Variants in POMT2 observed in about 807,000 individuals in gnomAD.
POMT2 encodes the protein protein O-mannosyl-transferase 2.
POMT2 carries 75 observed loss-of-function variants against 100.0 expected under a neutral mutation model. The ratio of observed to expected loss-of-function variants is 0.75; its 90% CI spans 0.62 to 0.91. The LOEUF (loss-of-function observed/expected upper bound fraction) is 0.91, where lower values mean the gene tolerates loss of function less well. POMT2 is among the 40% of genes least tolerant of loss of function. The pLI is 0.00. For synonymous variants in POMT2, 378 were observed against 374.1 expected (o/e 1.01, Z -0.12); for missense variants, 940 against 955.1 (o/e 0.98, Z 0.21).
intron 1 of POMT2, among the ~76,000 whole-genome samples, chr14:77,316,595 ATAGC>A (rs1333652675): frequency 6.7e-6 from 1 of 149,168 alleles, no homozygotes; most frequent in African/African-American, 2.5e-5. Flanking sequence ...AAAAAAGAGT[ATAGC>A]TAGCCTGGCC....
At chr14:77,286,616 A>T in intron 12 of POMT2, 128 bp downstream of exon 12, 1 of 1,372,364 alleles carries the variant, frequency 7.3e-7, no homozygotes, top group Non-Finnish European at 1.0e-6. Context: ...AAATGTTAAG[A>T]GAGTCCCTGT....
chr14:77,304,846 T>C lies in POMT2; in HGVS notation c.439-46A>G, dbSNP rs375459667. The C allele has an allele frequency of 6.2e-5, 97 of 1,552,254 alleles. No individual in the cohort carries two copies. The African/African-American group carries it at 1.1e-3, about 18-fold the overall frequency. On this transcript the variant is annotated intron_variant, in intron 3 of 20. Coordinates refer to ENST00000261534, the MANE Select transcript of POMT2 (RefSeq NM_013382.7). ...CTGTCAAATAACAAGCTGAGCTAGG[T>C]CAGCGACCTACTGGACTCAGTACAA...
Position 77,291,320 on chromosome 14 carries a change from TTG to T in POMT2, c.1175_1176del (p.Thr392LysfsTer37). On this transcript the variant is annotated frameshift_variant, in exon 10 of 21. Transcript: ENST00000261534. LOFTEE classifies it high-confidence loss of function. Reference sequence around the variant, plus strand: ...CAGTCTCTGACCACATTACCTGAGTTTGTGTTATGTTTCTTGATAATCCACAG... The same window carrying T: ...CAGTCTCTGACCACATTACCTGAGTTTGTTATGTTTCTTGATAATCCACAG... ...NNLWIIKKHN[T>X]NSDPLDPSFP... The T allele has an allele frequency of 1.2e-6, 2 of 1,602,286 alleles. No homozygotes were observed. The highest frequency in any genetic ancestry group is 1.7e-6 in the Non-Finnish European group (2 of 1,175,804).
rs1890360810 is a variant in POMT2, at chr14:77,284,840, C to T, written c.1576+110G>A. 4.3e-6 allele frequency: 4 copies of T among 936,528 alleles called. No individual in the cohort carries two copies. In the East Asian group the frequency reaches 7.5e-5, roughly 18 times the overall value. 58.0% of individuals were successfully genotyped at this position (936,528 alleles called of 1,614,324 possible). On this transcript the variant is annotated intron_variant, in intron 14 of 20. Coordinates refer to ENST00000261534, the MANE Select transcript of POMT2 (RefSeq NM_013382.7). ...AAAGAGAGTGTTAACAAGGAACAAA[C>T]AGCAGCAAGTTGAAGGGATAGCACA...
In POMT2 at chr14:77,291,310, T is replaced by C; in HGVS notation, c.1183+4A>G. 7 of 1,605,574 alleles carry C rather than the reference T, an allele frequency of 4.4e-6. No homozygotes were observed. The highest frequency in any genetic ancestry group is 6.0e-6 in the Non-Finnish European group (7 of 1,176,108). On this transcript the variant is annotated splice_donor_region_variant and intron_variant, in intron 10 of 20. Coordinates refer to ENST00000261534, the MANE Select transcript of POMT2 (RefSeq NM_013382.7). ...CAAGAAGCATCAGTCTCTGACCACA[T>C]TACCTGAGTTTGTGTTATGTTTCTT...
chr14:77,315,983 C>G (rs748813576), intron 1 of POMT2, among the ~76,000 whole-genome samples: 1 of 152,154 alleles, frequency 6.6e-6, no homozygotes, highest in African/African-American at 2.4e-5. Flanking sequence ...TGCACTCCAG[C>G]CTGGGCGACA....
chr14:77,304,712 G>A lies in POMT2; in HGVS notation c.527C>T (p.Thr176Ile). The A allele has an allele frequency of 6.3e-7, 1 of 1,593,288 alleles. No individual in the cohort carries two copies. Among genetic ancestry groups the A allele is most frequent in the Non-Finnish European group, 8.5e-7 (1 of 1,170,914 alleles). The change falls in exon 4 of 21, where the codon ACA (threonine) becomes ATA (isoleucine). Residue 176 changes from threonine to isoleucine, a missense_variant. Coordinates refer to ENST00000261534, the MANE Select transcript of POMT2 (RefSeq NM_013382.7). ...CTTACCAAAGGTGAGGAGGGCAGCTGTGAGCAGTGCTGCCGAGAGGGACTT... is the reference window on the plus strand; with the variant it reads ...CTTACCAAAGGTGAGGAGGGCAGCTATGAGCAGTGCTGCCGAGAGGGACTT... ...LSKSLSAALL[T>I]AALLTFDTGC...
chr14:77,285,341 A>T, intron 13 of POMT2, 140 bp downstream of exon 13: 1 of 1,157,726 alleles, frequency 8.6e-7, no homozygotes, highest in Non-Finnish European at 1.2e-6. Context: ...TACACCTGAT[A>T]TCTACTCTCC....
At chr14:77,278,191 C>T (rs1890048774) in intron 20 of POMT2, 3 of 602,814 alleles carry the variant, frequency 5.0e-6, no homozygotes, top group Middle Eastern at 4.4e-4. Flanking sequence ...CAGAGTTAAG[C>T]CCTGCTTCTC....
At chr14:77,278,233 G>A (rs541345385) in intron 20 of POMT2, 161 bp downstream of exon 20, 63 of 670,650 alleles carry the variant, frequency 9.4e-5, no homozygotes, top group Non-Finnish European at 1.9e-5. Context: ...TCACCTGGGG[G>A]ACTCTGGAAA....
Position 77,299,529 on chromosome 14 carries a change from G to A in POMT2, c.849C>T (p.Val283=), listed in dbSNP as rs1890945541. The change falls in exon 7 of 21, where the codon GTC becomes GTT. Residue 283 remains valine, a synonymous_variant. Transcript: ENST00000261534. The part of the protein sequence containing the change: ...VTVGKHLTAR[V]LCLIVLPLAL... ...CCAGGGGCAGCACTATGAGGCACAG[G>A]ACACGAGCAGTCAGGTGTTTTCCCA... 1.2e-6 allele frequency: 2 copies of A among 1,614,196 alleles called. No homozygotes were observed. The highest frequency in any genetic ancestry group is 1.3e-5 in the African/African-American group (1 of 75,060).
At chr14:77,306,300 G>C (rs1178731613) in intron 3 of POMT2, 37 bp downstream of exon 3, 1 of 1,608,402 alleles carries the variant, frequency 6.2e-7, no homozygotes, top group East Asian at 2.2e-5. Context: ...TGTGGCCCCA[G>C]GGTTCAGTCA....
chr14:77,318,735 ATT>A (rs10643583), intron 1 of POMT2, among the ~76,000 whole-genome samples: 162 of 140,152 alleles, frequency 1.2e-3, no homozygotes, highest in African/African-American at 3.9e-3. Flanking sequence ...ATGGTAGTTA[ATT>A]TTTTTTTTTT....
intron 13 of POMT2, 55 bp downstream of exon 13, chr14:77,285,426 G>A: frequency 6.2e-7 from 1 of 1,606,922 alleles, no homozygotes; most frequent in African/African-American, 1.3e-5. Context: ...ACTCCTTGTA[G>A]AGTGAAAGGA....
chr14:77,279,552 G>A (rs535394028), intron 18 of POMT2: 3 of 596,360 alleles, frequency 5.0e-6, no homozygotes, highest in East Asian at 3.7e-5. Context: ...GTATGTCCTG[G>A]GGCAAGTTTC....
intron 1 of POMT2, among the ~76,000 whole-genome samples, chr14:77,317,211 A>C (rs1891665345): frequency 6.6e-6 from 1 of 152,168 alleles, no homozygotes; most frequent in Admixed American, 6.5e-5. Context: ...GCCACATTGC[A>C]AGGGGCACTG....
chr14:77,318,775 G>A (rs1387985256), intron 1 of POMT2, among the ~76,000 whole-genome samples: 2 of 141,778 alleles, frequency 1.4e-5, no homozygotes, highest in South Asian at 2.2e-4. Context: ...TGGCTTTGTC[G>A]CCTAGGCTGG....
intron 11 of POMT2, 82 bp from the exon 12 acceptor site, chr14:77,286,904 G>A (rs1890446008): frequency 1.2e-6 from 2 of 1,603,908 alleles, no homozygotes; most frequent in Admixed American, 3.4e-5. Flanking sequence ...GATGTTCAGA[G>A]TCAACTGTCA....
At chr14:77,278,658 C>T (rs1251579628) in intron 19 of POMT2, 71 bp downstream of exon 19, 2 of 1,591,504 alleles carry the variant, frequency 1.3e-6, no homozygotes, top group African/African-American at 1.3e-5. Context: ...GAGTCACTCC[C>T]AGCACTGCTG....
Sources: allele counts gnomAD v4.1 joint callset (sites outside exome capture counted in the v4.1 genomes callset), GRCh38; gene constraint gnomAD v4.1.1; transcripts MANE v1.5; gene names NCBI Gene and HGNC (gene_info 2026-07-23, HGNC 2026-07-21).